Variants in SYT2 observed in about 807,000 individuals in gnomAD.
SYT2 encodes the protein synaptotagmin-2.
In SYT2, 15 loss-of-function variants were observed where a neutral mutation model predicts 39.9. That is an observed-to-expected ratio of 0.38 (90% CI 0.25 to 0.58). The LOEUF is 0.58. SYT2 is among the 20% of genes least tolerant of loss of function. The probability of loss-of-function intolerance (pLI) is 0.70; values close to 1 mark genes in which losing one functional copy is unlikely to be tolerated. For synonymous variants in SYT2, 181 were observed against 204.5 expected (o/e 0.89, Z 0.98); for missense variants, 389 against 530.3 (o/e 0.73, Z 2.62).
intron 1 of SYT2, chr1:202,632,648 A>G (rs1691626426): frequency 1.1e-6 from 1 of 933,290 alleles, no homozygotes. Context: ...AAGAGAAGAC[A>G]CAGAGACACA....
chr1:202,706,759 G>A (rs1654263420), intron 1 of SYT2, among the ~76,000 whole-genome samples: 1 of 152,234 alleles, frequency 6.6e-6, no homozygotes, highest in South Asian at 2.1e-4. Context: ...TTCTCTGACT[G>A]AGTGGAAGAT....
At chr1:202,658,614 G>A (rs1692321467) in intron 1 of SYT2, among the ~76,000 whole-genome samples, 1 of 152,064 alleles carries the variant, frequency 6.6e-6, no homozygotes, top group African/African-American at 2.4e-5. Context: ...TCAGACAGCA[G>A]CTGAGCAGCC....
At chr1:202,682,540 G>A (rs928750445) in intron 1 of SYT2, among the ~76,000 whole-genome samples, 1 of 152,118 alleles carries the variant, frequency 6.6e-6, no homozygotes, top group African/African-American at 2.4e-5. Context: ...CCTTAAAGGG[G>A]GTGGCTTGAA....
intron 3 of SYT2, chr1:202,604,239 CAG>C: frequency 1.8e-6 from 1 of 546,658 alleles, no homozygotes; most frequent in South Asian, 2.8e-5. Context: ...ACTGTCTTTC[CAG>C]GGATGAGTTC....
chr1:202,645,104 C>T (rs1692052380), intron 1 of SYT2, among the ~76,000 whole-genome samples: 1 of 152,156 alleles, frequency 6.6e-6, no homozygotes, highest in African/African-American at 2.4e-5. Flanking sequence ...CATGCCTGAG[C>T]CCCTCTAGTC....
chr1:202,606,664 C>T (rs554950388), intron 1 of SYT2, among the ~76,000 whole-genome samples: 1 of 152,280 alleles, frequency 6.6e-6, no homozygotes, highest in East Asian at 1.9e-4. Flanking sequence ...GCCCCTACTC[C>T]AGGTTCATCT....
At chr1:202,700,129 G>T (rs1212867626) in intron 1 of SYT2, among the ~76,000 whole-genome samples, 1 of 152,072 alleles carries the variant, frequency 6.6e-6, no homozygotes, top group Non-Finnish European at 1.5e-5. Flanking sequence ...TCCAAGAAAA[G>T]CTCCCCTCTC....
chr1:202,604,672 C>G (rs751674898), intron 2 of SYT2, 51 bp from the exon 3 acceptor site: 8 of 1,576,638 alleles, frequency 5.1e-6, no homozygotes, highest in Non-Finnish European at 6.9e-6. Flanking sequence ...CCTTGCAGCC[C>G]CTGACCCCGT....
chr1:202,700,796 T>C (rs1654103351), intron 1 of SYT2, among the ~76,000 whole-genome samples: 2 of 152,152 alleles, frequency 1.3e-5, no homozygotes. Context: ...AAATCCAACC[T>C]CACTCAGATA....
At chr1:202,648,831 C>T (rs1290435150) in intron 1 of SYT2, among the ~76,000 whole-genome samples, 1 of 152,214 alleles carries the variant, frequency 6.6e-6, no homozygotes, top group East Asian at 1.9e-4. Flanking sequence ...CAAGTCTGCA[C>T]AACAGGGCTT....
chr1:202,629,291 C>T (rs1691503569), intron 1 of SYT2, among the ~76,000 whole-genome samples: 2 of 152,180 alleles, frequency 1.3e-5, no homozygotes, highest in Admixed American at 1.3e-4. Context: ...TTGCACTATC[C>T]CTGGCTTCTT....
chr1:202,625,239 GGT>G (rs148240665), intron 1 of SYT2, among the ~76,000 whole-genome samples: 2 of 120,942 alleles, frequency 1.7e-5, no homozygotes, highest in African/African-American at 3.5e-5. Context: ...GTGTCTGTGT[GGT>G]GTGTGTGTGG....
At chr1:202,656,861 T>G (rs1367860753) in intron 1 of SYT2, among the ~76,000 whole-genome samples, 4 of 152,298 alleles carry the variant, frequency 2.6e-5, no homozygotes. Flanking sequence ...TACAGTGGAC[T>G]TCCTATCTTG....
chr1:202,666,437 C>T (rs950931600), intron 1 of SYT2, among the ~76,000 whole-genome samples: 4 of 152,160 alleles, frequency 2.6e-5, no homozygotes, highest in Admixed American at 6.5e-5. Context: ...CAGGATTTTG[C>T]ATCTTCTTTA....
chr1:202,685,278 A>G (rs1653633464), intron 1 of SYT2, among the ~76,000 whole-genome samples: 3 of 152,150 alleles, frequency 2.0e-5, no homozygotes, highest in African/African-American at 7.2e-5. Context: ...GGCTGTTTAG[A>G]AGAACCAGAT....
At chr1:202,641,731 C>T (rs1004948738) in intron 1 of SYT2, among the ~76,000 whole-genome samples, 1 of 152,210 alleles carries the variant, frequency 6.6e-6, no homozygotes, top group Non-Finnish European at 1.5e-5. Context: ...GAGATGAATG[C>T]AGCCCTGTCT....
At chr1:202,613,438 G>T (rs941840513) in intron 1 of SYT2, among the ~76,000 whole-genome samples, 7 of 152,090 alleles carry the variant, frequency 4.6e-5, no homozygotes, top group Non-Finnish European at 8.8e-5. Context: ...TGCTGGTGGA[G>T]TCCTTAGGAT....
Position 202,660,886 on chromosome 1 carries a change from T to C in SYT2, c.-18+49372A>G, listed in dbSNP as rs368526809. Among the ~76,000 whole-genome samples the C allele has an allele frequency of 2.1e-3, 326 of 152,226 alleles. 3 individuals are homozygous for C. The highest frequency in any genetic ancestry group is 5.8e-3 in the African/African-American group (239 of 41,540). On this transcript the variant is annotated intron_variant, in intron 1 of 8. Transcript: ENST00000367268. ...TGTGGGCGCCTATGCTCGCAGCACA[T>C]TGCAAGCTTCGTCTCCCCCAGCCTT...
Position 202,639,783 on chromosome 1 carries a change from G to A in SYT2, c.-17-33994C>T, listed in dbSNP as rs1254434954. On this transcript the variant is annotated intron_variant, in intron 1 of 8. Transcript: ENST00000367268. Reference sequence around the variant, plus strand: ...CGAAGACTAGAGCATGCAAACTCCTGGAGCCTGAGGCCAGTGCGCAGCAAG... The same window carrying A: ...CGAAGACTAGAGCATGCAAACTCCTAGAGCCTGAGGCCAGTGCGCAGCAAG... The A allele has an allele frequency of 4.1e-6, 4 of 985,342 alleles. No individual in the cohort carries two copies. The African/African-American group carries it at 7.0e-5, about 17-fold the overall frequency. The allele number at this position is 985,342 out of a possible 1,614,324, so 61.0% of individuals were successfully genotyped here.
Sources: allele counts gnomAD v4.1 joint callset (sites outside exome capture counted in the v4.1 genomes callset), GRCh38; gene constraint gnomAD v4.1.1; transcripts MANE v1.5; gene names NCBI Gene and HGNC (gene_info 2026-07-23, HGNC 2026-07-21).